CAMKK2: variants seen among roughly 807,000 people sequenced by gnomAD.
CAMKK2 encodes the protein calcium/calmodulin dependent protein kinase kinase 2.
Under a neutral mutation model 67.2 loss-of-function variants are expected in CAMKK2, and 30 were observed. The ratio of observed to expected loss-of-function variants is 0.45; its 90% confidence interval spans 0.33 to 0.61. The LOEUF is 0.61. CAMKK2 is among the 20% of genes least tolerant of loss of function. The pLI, the probability that CAMKK2 is intolerant of heterozygous loss-of-function variation, is 0.02. For synonymous variants in CAMKK2, 322 were observed against 326.2 expected, an observed-to-expected ratio of 0.99 and a Z score of 0.14; for missense variants, 643 against 802.0, an observed-to-expected ratio of 0.80 and a Z score of 2.39.
At chr12:121,255,687 T>G in intron 8 of CAMKK2, 49 bp from the exon 9 acceptor site, 1 of 1,608,890 alleles carries the variant, frequency 6.2e-7, no homozygotes, top group Non-Finnish European at 8.5e-7. Context: ...CGCCAGCCCT[T>G]GCCCTCTCTC....
At chr12:121,242,909 A>G (rs1386634013) in intron 16 of CAMKK2, among the ~76,000 whole-genome samples, 1 of 149,504 alleles carries the variant, frequency 6.7e-6, no homozygotes, top group South Asian at 2.1e-4. Flanking sequence ...CGCCCGGCTA[A>G]TTTTTTGTAT....
At position 121,264,042 on chromosome 12, in the gene CAMKK2, TCTGCA is replaced by T; in HGVS notation, c.626-108_626-104del. ...AAAAGGTGGGATGCCAAAAAGCCAC[TCTGCA>T]GGGCTGGAGTGGCTGCTGCCACCAG... On this transcript the variant is annotated intron_variant, in intron 5 of 16. Transcript: ENST00000404169. The T allele has an allele frequency of 3.4e-6, 4 of 1,179,916 alleles. No homozygotes were observed. In the African/African-American group the frequency reaches 4.7e-5, roughly 14 times the overall value. 73.1% of individuals were successfully genotyped at this position (1,179,916 alleles called of 1,614,324 possible).
chr12:121,240,755 C>G lies in CAMKK2; in HGVS notation c.1711G>C (p.Gly571Arg), dbSNP rs200750895. Residue 571 changes from glycine to arginine, a missense_variant, in exon 17 of 17, where the codon GGC becomes CGC. Around this residue, in one of 3 missense-constraint regions of CAMKK2, gnomAD observed 140 missense variants for 124.2 expected, o/e 1.13. Transcript: ENST00000404169. This position sits in a 1 kb window ranked among gnomAD's most constrained non-coding sequence, Gnocchi z 4.4. ...AGTGGATGCATGCGTGCGGGGGAGC[C>G]GGGGGCGGGGGCCCAGCAACTTTCC... ...CVESCWAPAP[G>R]SPARMHPLRP... 1 of 1,608,348 alleles carries G rather than the reference C, an allele frequency of 6.2e-7. No homozygotes were observed. Among genetic ancestry groups the G allele is most frequent in the African/African-American group, 1.3e-5 (1 of 74,766 alleles).
intron 3 of CAMKK2, chr12:121,269,876 GCGT>G (rs1484534355): frequency 3.9e-6 from 1 of 259,278 alleles, no homozygotes; most frequent in Non-Finnish European, 7.4e-6. Flanking sequence ...TGATGAAACC[GCGT>G]CTCTACTAAA....
Position 121,268,612 on chromosome 12 carries a change from T to C in CAMKK2, c.625+26A>G, listed in dbSNP as rs781429004. ...CCTGTCTTGTCCCAGCCCCTGTACC[T>C]AACAACAAAGGCCCGCCAAACTCAC... On this transcript the variant is annotated intron_variant, in intron 5 of 16. Transcript: ENST00000404169. The C allele has an allele frequency of 4.3e-6, 7 of 1,612,638 alleles. No individual in the cohort carries two copies. In the East Asian group the frequency reaches 1.1e-4, roughly 26 times the overall value.
rs112436599 is a variant in CAMKK2, at chr12:121,286,502, C to T, written c.-60+10136G>A. Reference sequence around the variant, plus strand: ...CATCATCTCATTTAACTGTCACAACCACCTTATGAGTTATAGATACTGTTT... The same window carrying T: ...CATCATCTCATTTAACTGTCACAACTACCTTATGAGTTATAGATACTGTTT... On this transcript the variant is annotated intron_variant, in intron 1 of 16. Coordinates refer to ENST00000404169, the MANE Select transcript of CAMKK2 (RefSeq NM_001270485.2). Among the ~76,000 whole-genome samples the T allele has an allele frequency of 6.6e-5, 10 of 152,286 alleles. 1 individual carries two copies. The highest frequency in any genetic ancestry group is 2.4e-4 in the African/African-American group (10 of 41,570).
Position 121,248,748 on chromosome 12 carries a change from C to G in CAMKK2, c.1324-14G>C, listed in dbSNP as rs762340591. 3 of 1,613,756 alleles carry G rather than the reference C, an allele frequency of 1.9e-6. No homozygotes were observed. The highest frequency in any genetic ancestry group is 2.5e-6 in the Non-Finnish European group (3 of 1,179,980). On this transcript the variant is annotated splice_polypyrimidine_tract_variant and intron_variant, in intron 13 of 16. Coordinates refer to ENST00000404169, the MANE Select transcript of CAMKK2 (RefSeq NM_001270485.2). ...CCAGGGGTGCAGCTTCAACGAACGA[C>G]AGGAGGGGTGAGGGGCAGGTGTGGC... is the stretch of plus-strand genomic sequence containing the variant.
At chr12:121,249,176 G>A (rs924304804) in intron 13 of CAMKK2, among the ~76,000 whole-genome samples, 2 of 152,232 alleles carry the variant, frequency 1.3e-5, no homozygotes, top group African/African-American at 2.4e-5. Flanking sequence ...ACCCAGGCAG[G>A]GGTCTGCCCC....
At chr12:121,286,196 C>G (rs900027338) in intron 1 of CAMKK2, among the ~76,000 whole-genome samples, 1 of 152,222 alleles carries the variant, frequency 6.6e-6, no homozygotes, top group African/African-American at 2.4e-5. Flanking sequence ...GACAGGGAAG[C>G]TGCTGTCTCC....
At chr12:121,266,624 T>C (rs758353394) in intron 5 of CAMKK2, among the ~76,000 whole-genome samples, 1 of 151,498 alleles carries the variant, frequency 6.6e-6, no homozygotes, top group Non-Finnish European at 1.5e-5. Flanking sequence ...GCCTCCCGAG[T>C]AGCTGGGATT....
intron 5 of CAMKK2, among the ~76,000 whole-genome samples, chr12:121,264,872 G>A (rs1165173038): frequency 1.3e-5 from 2 of 151,694 alleles, no homozygotes; most frequent in African/African-American, 4.8e-5. Context: ...TCAAGAGGCT[G>A]GGGTGGGAGG....
intron 1 of CAMKK2, among the ~76,000 whole-genome samples, chr12:121,274,879 C>T (rs1896526459): frequency 1.4e-5 from 2 of 148,142 alleles, no homozygotes; most frequent in South Asian, 4.2e-4. Context: ...GCGATCATAG[C>T]TCACTGTACC....
chr12:121,259,472 T>C (rs1210238417), intron 7 of CAMKK2, among the ~76,000 whole-genome samples: 1 of 152,224 alleles, frequency 6.6e-6, no homozygotes, highest in Non-Finnish European at 1.5e-5. Context: ...CATTCTGACC[T>C]GGATCTGGGG....
intron 1 of CAMKK2, among the ~76,000 whole-genome samples, chr12:121,289,184 A>G (rs1016203725): frequency 6.6e-6 from 1 of 152,148 alleles, no homozygotes; most frequent in Non-Finnish European, 1.5e-5. Context: ...GCTTTCCAAA[A>G]AGCGAGCCAG....
chr12:121,282,086 A>C (rs1291881730), intron 1 of CAMKK2, among the ~76,000 whole-genome samples: 1 of 152,128 alleles, frequency 6.6e-6, no homozygotes. Context: ...CTCTTGGTGA[A>C]CGTCTATTAG....
chr12:121,288,203 G>C (rs558672438), intron 1 of CAMKK2, among the ~76,000 whole-genome samples: 1 of 152,182 alleles, frequency 6.6e-6, no homozygotes, highest in South Asian at 2.1e-4. Context: ...AAAACAACTG[G>C]AATTTCAGTT....
intron 1 of CAMKK2, among the ~76,000 whole-genome samples, chr12:121,287,708 G>A (rs373181215): frequency 3.5e-4 from 54 of 152,320 alleles, no homozygotes; most frequent in South Asian, 1.7e-3. Flanking sequence ...GGTGGCTCAC[G>A]CCTATAATGC....
chr12:121,280,538 G>A lies in CAMKK2; in HGVS notation c.-59-5953C>T, dbSNP rs918756302. ...CTTAAACTCTGATCGCCGGTGAGCC[G>A]GGCAGAACAGAGCCATATTTCTCTT... On this transcript the variant is annotated intron_variant, in intron 1 of 16. Coordinates refer to ENST00000404169, the MANE Select transcript of CAMKK2 (RefSeq NM_001270485.2). 1.5e-4 allele frequency among the ~76,000 whole-genome samples: 23 copies of A among 152,292 alleles called. 1 individual carries two copies. The highest frequency in any genetic ancestry group is 4.6e-4 in the African/African-American group (19 of 41,552).
chr12:121,282,920 A>G (rs186396041), intron 1 of CAMKK2, among the ~76,000 whole-genome samples: 14 of 151,944 alleles, frequency 9.2e-5, no homozygotes, highest in African/African-American at 3.4e-4. Context: ...ATGCCCGGCT[A>G]ATTTTTGTAT....
Sources: allele counts gnomAD v4.1 joint callset (sites outside exome capture counted in the v4.1 genomes callset), GRCh38; gene constraint gnomAD v4.1.1; regional missense constraint gnomAD v4.1.1; non-coding constraint Gnocchi (gnomAD v3.1); transcripts MANE v1.5; gene names NCBI Gene and HGNC (gene_info 2026-07-23, HGNC 2026-07-21).